SLC24A2: variants seen among roughly 807,000 people sequenced by gnomAD.
The protein encoded by SLC24A2 is sodium/potassium/calcium exchanger 2.
A neutral mutation model predicts 62.0 loss-of-function variants in SLC24A2; 36 were observed. The ratio of observed to expected loss-of-function variants is 0.58; its 90% CI spans 0.44 to 0.77. The LOEUF (loss-of-function observed/expected upper bound fraction) is 0.77, where lower values mean the gene tolerates loss of function less well. Ranked by LOEUF, SLC24A2 falls within the 30% of genes least tolerant of loss-of-function variation. The pLI, the probability that SLC24A2 is intolerant of heterozygous loss-of-function variation, is 0.00. For missense variants in SLC24A2, 846 were observed against 817.9 expected, an observed-to-expected ratio of 1.03 and a Z score of -0.42; for synonymous variants, 358 against 294.0, an observed-to-expected ratio of 1.22 and a Z score of -2.23.
chr9:20,092,846 T>C, the SLC24A2 span, among the ~76,000 whole-genome samples: 1 of 152,136 alleles, frequency 6.6e-6, no homozygotes, highest in Non-Finnish European at 1.5e-5. Flanking sequence ...AACTTATTCA[T>C]CTTAAAACTG....
At chr9:20,085,751 C>A in the SLC24A2 span, among the ~76,000 whole-genome samples, 2 of 152,120 alleles carry the variant, frequency 1.3e-5, no homozygotes, top group Non-Finnish European at 2.9e-5. Flanking sequence ...TCAGTATGAG[C>A]CCATAATAGT....
chr9:19,558,936 T>C (rs146389655), intron 7 of SLC24A2, among the ~76,000 whole-genome samples: 102 of 152,328 alleles, frequency 6.7e-4, no homozygotes, highest in Admixed American at 2.9e-3. Flanking sequence ...TCTTACCTAA[T>C]TGCAGGGATG....
At chr9:19,945,107 C>A in the SLC24A2 span, among the ~76,000 whole-genome samples, 1 of 152,132 alleles carries the variant, frequency 6.6e-6, no homozygotes, top group Non-Finnish European at 1.5e-5. Context: ...CTAGCATGGT[C>A]ACCACAGCAT....
At chr9:20,157,929 C>A in the SLC24A2 span, among the ~76,000 whole-genome samples, 1 of 151,376 alleles carries the variant, frequency 6.6e-6, no homozygotes. Flanking sequence ...AAAAAGCAAC[C>A]CAGTGCTATG....
At chr9:19,624,294 G>C (rs147046825) in intron 2 of SLC24A2, among the ~76,000 whole-genome samples, 22 of 152,276 alleles carry the variant, frequency 1.4e-4, no homozygotes, top group African/African-American at 5.3e-4. Context: ...AGCTGGAATT[G>C]ATACCACAGT....
At chr9:19,601,312 C>T (rs1237588927) in intron 4 of SLC24A2, among the ~76,000 whole-genome samples, 2 of 152,160 alleles carry the variant, frequency 1.3e-5, no homozygotes, top group African/African-American at 2.4e-5. Context: ...GAAAAAAGAG[C>T]ATTCTGATAG....
the SLC24A2 span, among the ~76,000 whole-genome samples, chr9:19,973,077 A>T: frequency 1.3e-5 from 2 of 152,168 alleles, no homozygotes; most frequent in Admixed American, 6.5e-5. Context: ...GTGGTGTGCG[A>T]CTGTAGTCCC....
intron 2 of SLC24A2, among the ~76,000 whole-genome samples, chr9:19,628,540 G>T (rs1204068239): frequency 6.6e-6 from 1 of 152,078 alleles, no homozygotes; most frequent in Non-Finnish European, 1.5e-5. Context: ...AATTTACTTT[G>T]TTGTACCATT....
the SLC24A2 span, among the ~76,000 whole-genome samples, chr9:20,297,386 G>C: frequency 6.6e-6 from 1 of 152,208 alleles, no homozygotes; most frequent in African/African-American, 2.4e-5. Context: ...GTCAGGGTGA[G>C]GTGGCCAACA....
At chr9:19,529,647 T>C (rs929381158) in intron 8 of SLC24A2, among the ~76,000 whole-genome samples, 12 of 152,020 alleles carry the variant, frequency 7.9e-5, no homozygotes, top group African/African-American at 2.2e-4. Context: ...AAGAAAAATA[T>C]TTTGGACAAG....
chr9:20,265,358 C>T, the SLC24A2 span, among the ~76,000 whole-genome samples: 10 of 152,200 alleles, frequency 6.6e-5, no homozygotes, highest in African/African-American at 2.2e-4. Flanking sequence ...GAGGGACCAG[C>T]TGAAACCATG....
chr9:20,097,015 T>G, the SLC24A2 span, among the ~76,000 whole-genome samples: 2 of 152,228 alleles, frequency 1.3e-5, no homozygotes, highest in South Asian at 4.1e-4. Context: ...TAACTTCTCT[T>G]TTCCCTACAA....
chr9:20,294,264 G>C, the SLC24A2 span, among the ~76,000 whole-genome samples: 2 of 152,074 alleles, frequency 1.3e-5, no homozygotes, highest in Admixed American at 6.5e-5. Flanking sequence ...GAAGCCATGA[G>C]AATGAGTCAG....
the SLC24A2 span, among the ~76,000 whole-genome samples, chr9:20,182,887 A>G: frequency 6.6e-6 from 1 of 152,228 alleles, no homozygotes; most frequent in African/African-American, 2.4e-5. Flanking sequence ...AACAATAGGT[A>G]TACATTGGGC....
chr9:19,597,275 A>G lies in SLC24A2; in HGVS notation c.1083T>C (p.Leu361=). Residue 361 remains leucine (L), a synonymous_variant, in exon 5 of 11, where the codon CTT becomes CTC. Coordinates refer to ENST00000341998, the MANE Select transcript of SLC24A2 (RefSeq NM_020344.4). ...IHTLDPLAEE[L]GSYGKLKYYD... ...AATATTTTAGTTTTCCATATGATCC[A>G]AGTTCTACAACATCACAGTAAAAGA... is the stretch of plus-strand genomic sequence containing the variant. The G allele has an allele frequency of 6.4e-7, 1 of 1,570,482 alleles. No individual in the cohort carries two copies. The highest frequency in any genetic ancestry group is 2.2e-5 in the East Asian group (1 of 44,608).
At chr9:19,597,205 A>T (rs775712482) in intron 5 of SLC24A2, 24 bp downstream of exon 5, 4 of 1,516,246 alleles carry the variant, frequency 2.6e-6, no homozygotes, top group Non-Finnish European at 2.7e-6. Flanking sequence ...AAGCCAATGC[A>T]TACAATTCTA....
intron 2 of SLC24A2, among the ~76,000 whole-genome samples, chr9:19,636,279 T>C (rs1028371717): frequency 3.6e-5 from 2 of 54,866 alleles, no homozygotes; most frequent in Admixed American, 3.7e-4. Context: ...TCTTCTTCTC[T>C]TCTTCTCTTC....
intron 5 of SLC24A2, among the ~76,000 whole-genome samples, chr9:19,579,540 G>C (rs1321061018): frequency 6.6e-6 from 1 of 152,108 alleles, no homozygotes; most frequent in African/African-American, 2.4e-5. Context: ...TCCCATCATG[G>C]TCTCAGGGTT....
At position 19,595,270 on chromosome 9, in the gene SLC24A2, C is replaced by T. The variant is rs572133504; in HGVS notation, c.1129+1959G>A. Among the ~76,000 whole-genome samples the T allele has an allele frequency of 8.5e-5, 13 of 152,304 alleles. No individual in the cohort carries two copies. In the South Asian group the frequency reaches 2.7e-3, roughly 32 times the overall value. ...CCACTTATTTATGGAATCAGCCTTGCCTTTTTGCTTTTTCTTTTTTTCCTT... is the reference window on the plus strand; with the variant it reads ...CCACTTATTTATGGAATCAGCCTTGTCTTTTTGCTTTTTCTTTTTTTCCTT... On this transcript the variant is annotated intron_variant, in intron 5 of 10. Transcript: ENST00000341998.
Sources: gnomAD v4.1 joint callset for allele counts (sites outside exome capture counted in the v4.1 genomes callset) on GRCh38, gnomAD v4.1.1 for gene constraint, MANE v1.5 for transcripts, NCBI Gene and HGNC (gene_info 2026-07-23, HGNC 2026-07-21) for gene names.